SRBD1: variants seen among roughly 807,000 people sequenced by gnomAD.
The protein encoded by SRBD1 is S1 RNA binding domain 1.
In SRBD1, 88 loss-of-function variants were observed where a neutral mutation model predicts 115.3. The observed-to-expected ratio is 0.76, with a 90% CI of 0.64 to 0.91. The LOEUF is 0.91. SRBD1 is among the 40% of genes least tolerant of loss of function. SRBD1 has a pLI of 0.00. For missense variants in SRBD1, 1,385 were observed against 1,177.4 expected (o/e 1.18, Z -2.58); for synonymous variants, 509 against 407.7 (o/e 1.25, Z -2.99).
chr2:45,565,856 C>A (rs552714318), intron 9 of SRBD1, among the ~76,000 whole-genome samples: 4 of 152,308 alleles, frequency 2.6e-5, no homozygotes, highest in Admixed American at 6.5e-5. Flanking sequence ...GAACTCCTGA[C>A]CTCAGGCGAT....
At chr2:45,396,238 T>C (rs535003188) in intron 19 of SRBD1, among the ~76,000 whole-genome samples, 8 of 152,306 alleles carry the variant, frequency 5.3e-5, no homozygotes, top group African/African-American at 1.7e-4. Context: ...TAACAAGATA[T>C]GTAAAATTTA....
At chr2:45,488,182 C>T in intron 15 of SRBD1, 58 bp downstream of exon 15, 1 of 1,428,082 alleles carries the variant, frequency 7.0e-7, no homozygotes. Context: ...TAGCATGCCA[C>T]ACATGCTGCC....
At chr2:45,533,626 G>A (rs994908483) in intron 14 of SRBD1, among the ~76,000 whole-genome samples, 1 of 151,950 alleles carries the variant, frequency 6.6e-6, no homozygotes, top group Non-Finnish European at 1.5e-5. Flanking sequence ...CAGTTTGGAG[G>A]AGTATCTAGG....
chr2:45,434,217 A>G (rs1668422021), intron 16 of SRBD1, among the ~76,000 whole-genome samples: 1 of 152,222 alleles, frequency 6.6e-6, no homozygotes, highest in South Asian at 2.1e-4. Context: ...TGCACAAGAC[A>G]AATGTAAACT....
At chr2:45,393,195 A>G (rs1667054400) in intron 19 of SRBD1, 66 bp from the exon 20 acceptor site, 1 of 1,448,902 alleles carries the variant, frequency 6.9e-7, no homozygotes. Flanking sequence ...CTCCTTATAC[A>G]GATCACCCTA....
intron 7 of SRBD1, among the ~76,000 whole-genome samples, chr2:45,577,008 C>A (rs1314670672): frequency 5.9e-5 from 9 of 151,956 alleles, no homozygotes; most frequent in African/African-American, 1.9e-4. Context: ...AAAATCATAC[C>A]AGGTACTTGT....
chr2:45,409,779 A>C (rs916198622), intron 19 of SRBD1, among the ~76,000 whole-genome samples: 1 of 152,174 alleles, frequency 6.6e-6, no homozygotes, highest in Non-Finnish European at 1.5e-5. Context: ...GTGTTGAAAA[A>C]CATATAACAC....
intron 4 of SRBD1, among the ~76,000 whole-genome samples, chr2:45,592,778 G>A (rs1290542370): frequency 6.6e-6 from 1 of 152,138 alleles, no homozygotes; most frequent in East Asian, 1.9e-4. Context: ...TACAGCAGTG[G>A]TTTACAATGT....
intron 14 of SRBD1, among the ~76,000 whole-genome samples, chr2:45,531,246 G>T (rs1572740922): frequency 6.6e-6 from 1 of 151,934 alleles, no homozygotes; most frequent in Admixed American, 6.6e-5. Flanking sequence ...TCCAGGTCTG[G>T]ATTGAAATTT....
At chr2:45,507,748 A>AAAT (rs753739543) in intron 14 of SRBD1, among the ~76,000 whole-genome samples, 48 of 151,818 alleles carry the variant, frequency 3.2e-4, no homozygotes, top group African/African-American at 1.0e-3. Flanking sequence ...AAAACAAACA[A>AAAT]AATAATAATA....
intron 4 of SRBD1, among the ~76,000 whole-genome samples, chr2:45,598,494 G>A (rs895215306): frequency 7.2e-5 from 11 of 151,828 alleles, no homozygotes; most frequent in African/African-American, 2.7e-4. Context: ...GGTGCCTGTA[G>A]TCCCAGCTAC....
chr2:45,524,183 C>T (rs1179728049), intron 14 of SRBD1, among the ~76,000 whole-genome samples: 1 of 151,816 alleles, frequency 6.6e-6, no homozygotes, highest in African/African-American at 2.4e-5. Context: ...TAGGAAAAAC[C>T]CACAGTCAAC....
chr2:45,474,572 T>C (rs1198088637), intron 16 of SRBD1, among the ~76,000 whole-genome samples: 1 of 152,232 alleles, frequency 6.6e-6, no homozygotes, highest in African/African-American at 2.4e-5. Flanking sequence ...AGTACAGGCC[T>C]AGCTTTGCTA....
At chr2:45,518,907 A>G (rs1449799094) in intron 14 of SRBD1, among the ~76,000 whole-genome samples, 2 of 151,766 alleles carry the variant, frequency 1.3e-5, no homozygotes, top group African/African-American at 4.8e-5. Context: ...CATTTTTCCC[A>G]GAGAGAAATG....
intron 14 of SRBD1, among the ~76,000 whole-genome samples, chr2:45,513,194 T>C (rs1195268452): frequency 6.6e-6 from 1 of 152,162 alleles, no homozygotes; most frequent in Non-Finnish European, 1.5e-5. Flanking sequence ...ATCCATAGGA[T>C]AGCATGCCAG....
Position 45,460,136 on chromosome 2 carries a change from T to C in SRBD1, c.2049+16857A>G, listed in dbSNP as rs554916388. On this transcript the variant is annotated intron_variant, in intron 16 of 20. Coordinates refer to ENST00000263736, the MANE Select transcript of SRBD1 (RefSeq NM_018079.5). ...CGTCCTGGCTCACTGCCAACTTCCA[T>C]GTTCCATTTTATTCACAATCATGCC... Among the ~76,000 whole-genome samples, 494 of 152,298 alleles carry C rather than the reference T, an allele frequency of 3.2e-3. 11 individuals carry two copies. Among genetic ancestry groups the C allele is most frequent in the Admixed American group, 0.029 (443 of 15,300 alleles).
At chr2:45,598,013 G>A (rs1021237977) in intron 4 of SRBD1, among the ~76,000 whole-genome samples, 4 of 152,176 alleles carry the variant, frequency 2.6e-5, no homozygotes, top group South Asian at 2.1e-4. Flanking sequence ...CTTAAAAAGC[G>A]TTAGAAAAGG....
Position 45,574,707 on chromosome 2 carries a change from C to T in SRBD1, c.1089G>A (p.Gln363=). Residue 363 remains glutamine (Q), a synonymous_variant, in exon 8 of 21, where the codon CAG becomes CAA. Transcript: ENST00000263736. Reference sequence around the variant, plus strand: ...TATGCTGCACTCCTATTTCAATATCCTGAAGCGTTGAAAGCCCTTTAGGAG... The same window carrying T: ...TATGCTGCACTCCTATTTCAATATCTTGAAGCGTTGAAAGCCCTTTAGGAG... ...RPDVKGLSTL[Q]DIEIGVQHIL... The T allele has an allele frequency of 6.2e-7, 1 of 1,612,934 alleles. No individual in the cohort carries two copies. Among genetic ancestry groups the T allele is most frequent in the South Asian group, 1.1e-5 (1 of 90,788 alleles).
At position 45,481,847 on chromosome 2, in the gene SRBD1, A is replaced by T. The variant is rs1307370928; in HGVS notation, c.1967-4772T>A. Among the ~76,000 whole-genome samples the T allele has an allele frequency of 2.0e-5, 3 of 152,156 alleles. No homozygotes were observed. In the East Asian group the frequency reaches 5.8e-4, roughly 29 times the overall value. On this transcript the variant is annotated intron_variant, in intron 15 of 20. Coordinates refer to ENST00000263736, the MANE Select transcript of SRBD1 (RefSeq NM_018079.5). ...CTTGAAAACATTATGCTTAAGTGAAAGAAGCCAGTCACAAAGACCACATAT... is the reference window on the plus strand; with the variant it reads ...CTTGAAAACATTATGCTTAAGTGAATGAAGCCAGTCACAAAGACCACATAT...
Sources: allele counts gnomAD v4.1 joint callset (sites outside exome capture counted in the v4.1 genomes callset), GRCh38; gene constraint gnomAD v4.1.1; transcripts MANE v1.5; gene names NCBI Gene and HGNC (gene_info 2026-07-23, HGNC 2026-07-21).